The following GAB2 variants were observed in gnomAD, a reference collection of about 807,000 sequenced individuals.
GAB2 encodes the protein GRB2 associated binding protein 2.
A neutral mutation model predicts 65.5 loss-of-function variants in GAB2; 26 were observed. The observed-to-expected ratio is 0.40, with a 90% CI of 0.29 to 0.55. GAB2 has a LOEUF of 0.55. Ranked by LOEUF, GAB2 falls within the 20% of genes least tolerant of loss-of-function variation. The pLI is 0.53. For missense variants in GAB2, 884 were observed against 875.8 expected (o/e 1.01, Z -0.12); for synonymous variants, 321 against 329.6 (o/e 0.97, Z 0.28).
intron 1 of GAB2, among the ~76,000 whole-genome samples, chr11:78,384,104 G>C (rs1316700867): frequency 1.3e-5 from 2 of 152,182 alleles, no homozygotes; most frequent in Non-Finnish European, 2.9e-5. Context: ...TACCAAACCT[G>C]CACTCTCATT....
At chr11:78,389,863 T>A (rs983515631) in intron 1 of GAB2, among the ~76,000 whole-genome samples, 2 of 151,312 alleles carry the variant, frequency 1.3e-5, no homozygotes, top group Non-Finnish European at 2.9e-5. Flanking sequence ...TTGTTATACC[T>A]TTCTCTCTCG....
chr11:78,352,339 C>A (rs1856291211), intron 1 of GAB2, among the ~76,000 whole-genome samples: 1 of 152,224 alleles, frequency 6.6e-6, no homozygotes, highest in African/African-American at 2.4e-5. Flanking sequence ...AATCTCATAC[C>A]ACGTCATCCC....
intron 2 of GAB2, among the ~76,000 whole-genome samples, chr11:78,276,137 AAAG>A (rs1312548610): frequency 6.6e-6 from 1 of 151,438 alleles, no homozygotes; most frequent in East Asian, 1.9e-4. Flanking sequence ...AAGAAGAAGA[AAAG>A]AATATATTTC....
chr11:78,260,073 C>G (rs981408901), intron 2 of GAB2, among the ~76,000 whole-genome samples: 1 of 152,064 alleles, frequency 6.6e-6, no homozygotes, highest in Non-Finnish European at 1.5e-5. Context: ...AATAGATTCT[C>G]GAGTTCAGAA....
rs1253130858 is a variant in GAB2, at chr11:78,251,243, G to A, written c.377-843C>T. Among the ~76,000 whole-genome samples, 3 of 152,012 alleles carry A rather than the reference G, an allele frequency of 2.0e-5. 1 individual carries two copies. Among genetic ancestry groups the A allele is most frequent in the Non-Finnish European group, 4.4e-5 (3 of 68,024 alleles). On this transcript the variant is annotated intron_variant, in intron 2 of 9. Coordinates refer to ENST00000361507, the MANE Select transcript of GAB2 (RefSeq NM_080491.3). ...CTGGACTGTGCCTTACTGCATTAATGAGAAAAGCACAAATGCATTTGGAGC... is the reference window on the plus strand; with the variant it reads ...CTGGACTGTGCCTTACTGCATTAATAAGAAAAGCACAAATGCATTTGGAGC...
At chr11:78,297,416 G>GA (rs1398419985) in intron 1 of GAB2, among the ~76,000 whole-genome samples, 1 of 151,874 alleles carries the variant, frequency 6.6e-6, no homozygotes, top group Non-Finnish European at 1.5e-5. Flanking sequence ...ATTTTTTGGG[G>GA]AAAAAAGTAC....
chr11:78,231,534 G>C (rs1163673228), intron 3 of GAB2, among the ~76,000 whole-genome samples: 1 of 152,194 alleles, frequency 6.6e-6, no homozygotes, highest in Non-Finnish European at 1.5e-5. Flanking sequence ...ATATTTAGTA[G>C]AGACGGGGTT....
intron 1 of GAB2, among the ~76,000 whole-genome samples, chr11:78,370,714 T>C (rs1329321747): frequency 7.3e-6 from 1 of 136,216 alleles, no homozygotes; most frequent in Non-Finnish European, 1.5e-5. Flanking sequence ...TGTGTGTGCG[T>C]GTGTGTGTGT....
intron 2 of GAB2, among the ~76,000 whole-genome samples, chr11:78,270,978 T>C (rs776993482): frequency 3.9e-5 from 6 of 152,120 alleles, no homozygotes; most frequent in Admixed American, 6.5e-5. Context: ...CCTTTCGGAG[T>C]CCCTGTGATA....
intron 1 of GAB2, among the ~76,000 whole-genome samples, chr11:78,406,744 C>A (rs1269672843): frequency 6.6e-6 from 1 of 152,192 alleles, no homozygotes; most frequent in East Asian, 1.9e-4. Flanking sequence ...AAAAGACAAT[C>A]GACAGATGCC....
intron 1 of GAB2, among the ~76,000 whole-genome samples, chr11:78,412,556 T>A (rs1857143138): frequency 6.6e-6 from 1 of 152,192 alleles, no homozygotes; most frequent in Admixed American, 6.5e-5. Flanking sequence ...AATCCTATCA[T>A]GATGGAAATG....
At chr11:78,385,598 T>C (rs1856755939) in intron 1 of GAB2, among the ~76,000 whole-genome samples, 1 of 152,198 alleles carries the variant, frequency 6.6e-6, no homozygotes. Flanking sequence ...AATCCAACCT[T>C]ATTAAATACC....
intron 3 of GAB2, among the ~76,000 whole-genome samples, chr11:78,240,029 C>A (rs1300974505): frequency 2.0e-5 from 3 of 151,870 alleles, no homozygotes; most frequent in Non-Finnish European, 4.4e-5. Flanking sequence ...GGGGGTCAAG[C>A]AGAAGTAAAG....
chr11:78,330,493 T>G (rs1360045439), intron 1 of GAB2, among the ~76,000 whole-genome samples: 1 of 151,982 alleles, frequency 6.6e-6, no homozygotes, highest in Non-Finnish European at 1.5e-5. Flanking sequence ...GAAATAGTGG[T>G]TTGCTTTGAG....
intron 1 of GAB2, among the ~76,000 whole-genome samples, chr11:78,362,153 T>G (rs1358431777): frequency 6.6e-6 from 1 of 151,962 alleles, no homozygotes; most frequent in African/African-American, 2.4e-5. Flanking sequence ...TACGTATTTG[T>G]ATGCGTATTT....
At chr11:78,284,069 T>A (rs1179018147) in intron 1 of GAB2, among the ~76,000 whole-genome samples, 1 of 152,192 alleles carries the variant, frequency 6.6e-6, no homozygotes, top group East Asian at 1.9e-4. Context: ...CTCCCAGATC[T>A]GTTCTTCCTG....
At chr11:78,259,275 TTAAA>T (rs1218703669) in intron 2 of GAB2, among the ~76,000 whole-genome samples, 1 of 152,228 alleles carries the variant, frequency 6.6e-6, no homozygotes, top group Non-Finnish European at 1.5e-5. Context: ...ACAGTAATTA[TTAAA>T]TACTCAATAA....
intron 1 of GAB2, among the ~76,000 whole-genome samples, chr11:78,325,559 G>A (rs1855807032): frequency 2.0e-5 from 3 of 152,138 alleles, no homozygotes; most frequent in Admixed American, 6.5e-5. Context: ...GAGGACATAC[G>A]AACATACAGA....
At chr11:78,308,497 A>C (rs1225940804) in intron 1 of GAB2, among the ~76,000 whole-genome samples, 2 of 152,242 alleles carry the variant, frequency 1.3e-5, no homozygotes, top group African/African-American at 4.8e-5. Context: ...ATTATCAAGG[A>C]GTTTGAACTT....
Sources: gnomAD v4.1 joint callset for allele counts (sites outside exome capture counted in the v4.1 genomes callset) on GRCh38, gnomAD v4.1.1 for gene constraint, MANE v1.5 for transcripts, NCBI Gene and HGNC (gene_info 2026-07-23, HGNC 2026-07-21) for gene names.